The following AFG2A variants were observed in gnomAD, a reference collection of about 807,000 sequenced individuals.
AFG2A encodes AAA ATPase AFG2A, also known as ATPase family gene 2 protein homolog A.
the AFG2A span, among the ~76,000 whole-genome samples, chr4:123,005,198 T>A: frequency 2.0e-5 from 3 of 152,198 alleles, no homozygotes; most frequent in Non-Finnish European, 4.4e-5. Flanking sequence ...TTGGCCAGGC[T>A]GGAGTGCAAT....
chr4:123,299,462 A>G, the AFG2A span, among the ~76,000 whole-genome samples: 2 of 152,202 alleles, frequency 1.3e-5, no homozygotes, highest in Admixed American at 6.5e-5. Flanking sequence ...CACTTGTTTC[A>G]ATTATCTCCT....
chr4:123,184,104 A>AT, the AFG2A span, among the ~76,000 whole-genome samples: 44 of 149,968 alleles, frequency 2.9e-4, no homozygotes, highest in South Asian at 6.3e-4. Flanking sequence ...CCCCGACCTG[A>AT]TTTTTTTTTT....
the AFG2A span, among the ~76,000 whole-genome samples, chr4:122,939,001 C>G: frequency 6.7e-6 from 1 of 149,410 alleles, no homozygotes; most frequent in South Asian, 2.1e-4. Context: ...GAGAATAATG[C>G]GAAATGTTTT....
the AFG2A span, among the ~76,000 whole-genome samples, chr4:123,267,060 C>T: frequency 5.3e-5 from 8 of 151,952 alleles, no homozygotes; most frequent in East Asian, 3.8e-4. Context: ...GACATGTTCT[C>T]GTTCTTCATC....
chr4:123,091,957 A>T, the AFG2A span, among the ~76,000 whole-genome samples: 1 of 152,156 alleles, frequency 6.6e-6, no homozygotes, highest in Non-Finnish European at 1.5e-5. Flanking sequence ...TGTGATTTTT[A>T]AAAAAGACCC....
the AFG2A span, among the ~76,000 whole-genome samples, chr4:122,932,959 T>A: frequency 6.6e-6 from 1 of 152,240 alleles, no homozygotes; most frequent in African/African-American, 2.4e-5. Context: ...TTAGTTTAGG[T>A]CAGCATTTTA....
chr4:123,023,382 G>C, the AFG2A span, among the ~76,000 whole-genome samples: 1 of 151,670 alleles, frequency 6.6e-6, no homozygotes, highest in African/African-American at 2.4e-5. Context: ...AAATAAAAAA[G>C]AAAAAAATAA....
the AFG2A span, among the ~76,000 whole-genome samples, chr4:122,964,924 A>G: frequency 6.6e-6 from 1 of 152,206 alleles, no homozygotes; most frequent in African/African-American, 2.4e-5. Flanking sequence ...CCTTGTCTAT[A>G]CTTAATACAG....
chr4:123,259,556 AAAACAT>A, the AFG2A span, among the ~76,000 whole-genome samples: 2 of 152,212 alleles, frequency 1.3e-5, no homozygotes, highest in African/African-American at 2.4e-5. Flanking sequence ...AGTTAATGAA[AAAACAT>A]GTGCCATTTA....
chr4:123,007,574 GT>G, the AFG2A span, among the ~76,000 whole-genome samples: 5 of 3,776 alleles, frequency 1.3e-3, no homozygotes, highest in Admixed American at 2.6e-3. Context: ...GTATATGTGT[GT>G]GTGTGTGTGT....
At chr4:122,938,143 T>G in the AFG2A span, 1 of 1,604,868 alleles carries the variant, frequency 6.2e-7, no homozygotes. Flanking sequence ...TCAATTATTT[T>G]TATTGATGAG....
At chr4:123,022,414 G>A in the AFG2A span, among the ~76,000 whole-genome samples, 1 of 151,976 alleles carries the variant, frequency 6.6e-6, no homozygotes, top group South Asian at 2.1e-4. Context: ...CATTTATGCA[G>A]CCAAAAGACA....
the AFG2A span, among the ~76,000 whole-genome samples, chr4:123,244,393 C>T: frequency 6.6e-6 from 1 of 152,136 alleles, no homozygotes; most frequent in African/African-American, 2.4e-5. Flanking sequence ...CACGCTGTTC[C>T]TCTCAGAGGA....
the AFG2A span, among the ~76,000 whole-genome samples, chr4:123,117,945 G>A: frequency 6.6e-6 from 1 of 151,884 alleles, no homozygotes; most frequent in Admixed American, 6.6e-5. Flanking sequence ...TCAGATGGAG[G>A]TGGAAACTGC....
At chr4:123,025,657 C>T in the AFG2A span, among the ~76,000 whole-genome samples, 1 of 151,930 alleles carries the variant, frequency 6.6e-6, no homozygotes, top group Non-Finnish European at 1.5e-5. Context: ...ACATGGGTGT[C>T]GGTTTTGTAG....
chr4:123,066,784 TC>T, the AFG2A span, among the ~76,000 whole-genome samples: 3 of 152,210 alleles, frequency 2.0e-5, no homozygotes, highest in Admixed American at 6.5e-5. Flanking sequence ...TAACATAATT[TC>T]ATATTGGTAA....
chr4:123,137,703 G>A, the AFG2A span, among the ~76,000 whole-genome samples: 1 of 151,978 alleles, frequency 6.6e-6, no homozygotes, highest in Non-Finnish European at 1.5e-5. Context: ...CCATATGTTT[G>A]GGTTTATGTC....
chr4:123,091,922 T>C, the AFG2A span, among the ~76,000 whole-genome samples: 2 of 152,228 alleles, frequency 1.3e-5, no homozygotes, highest in Admixed American at 1.3e-4. Context: ...TGTGTACATA[T>C]ACACATTCTT....
At chr4:122,988,131 T>A in the AFG2A span, among the ~76,000 whole-genome samples, 12 of 152,130 alleles carry the variant, frequency 7.9e-5, no homozygotes, top group South Asian at 2.3e-3. Flanking sequence ...TGGCCCGCAA[T>A]GGATTGTCTG....
Sources: gnomAD v4.1 joint callset for allele counts (sites outside exome capture counted in the v4.1 genomes callset) on GRCh38, gnomAD v4.1.1 for gene constraint, MANE v1.5 for transcripts, NCBI Gene and HGNC (gene_info 2026-07-23, HGNC 2026-07-21) for gene names.